CD226: variants seen among roughly 807,000 people sequenced by gnomAD.
CD226 encodes the protein CD226 antigen.
A neutral mutation model predicts 34.9 loss-of-function variants in CD226; 24 were observed. The observed-to-expected ratio is 0.69, with a 90% CI of 0.50 to 0.97. The LOEUF (loss-of-function observed/expected upper bound fraction) is 0.97. Among genes scored for constraint, CD226 ranks in the 50% least tolerant of loss-of-function variants. CD226 has a pLI of 0.00. For synonymous variants in CD226, 148 were observed against 147.4 expected (o/e 1.00, Z -0.03); for missense variants, 397 against 412.7 (o/e 0.96, Z 0.33).
chr18:69,891,930 A>G (rs974451993), intron 3 of CD226, among the ~76,000 whole-genome samples: 20 of 152,170 alleles, frequency 1.3e-4, no homozygotes, highest in African/African-American at 4.1e-4. Context: ...AATTTAACCT[A>G]CCTCGTCCCA....
chr18:69,892,716 T>G (rs979897759), intron 3 of CD226, among the ~76,000 whole-genome samples: 3 of 152,082 alleles, frequency 2.0e-5, no homozygotes, highest in Non-Finnish European at 4.4e-5. Context: ...TGAAGATGAA[T>G]GCAGGCAGGT....
chr18:69,948,516 T>C (rs564713631), upstream of CD226, among the ~76,000 whole-genome samples: 2 of 152,292 alleles, frequency 1.3e-5, no homozygotes, highest in South Asian at 4.1e-4. Flanking sequence ...TCAGCAAGTG[T>C]CGACTACTCA....
intron 2 of CD226, among the ~76,000 whole-genome samples, chr18:69,913,266 G>A (rs1245944375): frequency 1.3e-5 from 2 of 152,018 alleles, no homozygotes; most frequent in South Asian, 2.1e-4. Context: ...AAAAATGAAC[G>A]TGGAAACATT....
chr18:69,865,135 A>G (rs1983061254), intron 5 of CD226, among the ~76,000 whole-genome samples: 1 of 152,072 alleles, frequency 6.6e-6, no homozygotes, highest in African/African-American at 2.4e-5. Flanking sequence ...GATTACAGGC[A>G]AGCACCATCA....
upstream of CD226, chr18:69,961,612 G>A (rs911639146): frequency 2.0e-5 from 3 of 152,074 alleles, no homozygotes; most frequent in Admixed American, 2.0e-4. Flanking sequence ...CATTGCCAAG[G>A]GCCCAGCAAA....
intron 4 of CD226, among the ~76,000 whole-genome samples, chr18:69,868,803 G>GCGCA (rs113731126): frequency 6.1e-4 from 92 of 151,014 alleles, no homozygotes; most frequent in South Asian, 3.6e-3. Context: ...GCGCGTGCAC[G>GCGCA]CACACACACA....
At chr18:69,906,872 C>T (rs1175535849) in intron 2 of CD226, among the ~76,000 whole-genome samples, 3 of 152,170 alleles carry the variant, frequency 2.0e-5, no homozygotes, top group Admixed American at 2.0e-4. Flanking sequence ...TCAGGCTCTA[C>T]GGACACCTCC....
At chr18:69,939,009 C>G (rs1396958235) in intron 2 of CD226, among the ~76,000 whole-genome samples, 1 of 152,158 alleles carries the variant, frequency 6.6e-6, no homozygotes, top group African/African-American at 2.4e-5. Flanking sequence ...CCACTTGAAC[C>G]CAGGAGGCAG....
chr18:69,914,181 A>G (rs780343603), intron 2 of CD226, among the ~76,000 whole-genome samples: 1 of 152,156 alleles, frequency 6.6e-6, no homozygotes, highest in Non-Finnish European at 1.5e-5. Context: ...CTGAAATTCT[A>G]CCTTTCTATA....
At chr18:69,919,490 C>T (rs114857165) in intron 2 of CD226, among the ~76,000 whole-genome samples, 2 of 152,066 alleles carry the variant, frequency 1.3e-5, no homozygotes, top group African/African-American at 2.4e-5. Flanking sequence ...AGGAAGTAGA[C>T]AAAACTCTTC....
At chr18:69,939,635 A>G (rs2055698790) in intron 2 of CD226, among the ~76,000 whole-genome samples, 1 of 152,244 alleles carries the variant, frequency 6.6e-6, no homozygotes, top group South Asian at 2.1e-4. Flanking sequence ...ATTGGATCAT[A>G]GGATTTGGGG....
chr18:69,957,164 C>G (rs2055905076), upstream of CD226: 1 of 152,188 alleles, frequency 6.6e-6, no homozygotes, highest in Non-Finnish European at 1.5e-5. Flanking sequence ...GGACGCACTT[C>G]TCCTTTGTTC....
intron 3 of CD226, among the ~76,000 whole-genome samples, chr18:69,892,125 G>A (rs1984939427): frequency 6.6e-6 from 1 of 152,152 alleles, no homozygotes; most frequent in African/African-American, 2.4e-5. Flanking sequence ...TGGTCTCACT[G>A]GTGGAAGACG....
At chr18:69,943,707 G>A (rs2055754142) in intron 2 of CD226, among the ~76,000 whole-genome samples, 1 of 152,268 alleles carries the variant, frequency 6.6e-6, no homozygotes, top group South Asian at 2.1e-4. Flanking sequence ...GGACATACGT[G>A]AAACTTAGGG....
chr18:69,926,640 A>G (rs1046656832), intron 2 of CD226, among the ~76,000 whole-genome samples: 3 of 152,204 alleles, frequency 2.0e-5, no homozygotes, highest in Non-Finnish European at 2.9e-5. Flanking sequence ...AAGATATCTA[A>G]TTCTTCAGGG....
At chr18:69,922,019 A>C (rs2055457798) in intron 2 of CD226, among the ~76,000 whole-genome samples, 2 of 152,208 alleles carry the variant, frequency 1.3e-5, no homozygotes, top group Admixed American at 1.3e-4. Context: ...AGTCACATCA[A>C]GCATAAGAAA....
upstream of CD226, among the ~76,000 whole-genome samples, chr18:69,958,430 A>AT (rs2055913135): frequency 1.3e-5 from 2 of 151,826 alleles, no homozygotes; most frequent in Non-Finnish European, 2.9e-5. Context: ...TCAATTTTCG[A>AT]TTTTCTCAAG....
chr18:69,936,132 T>A (rs2055650111), intron 2 of CD226, among the ~76,000 whole-genome samples: 1 of 152,204 alleles, frequency 6.6e-6, no homozygotes, highest in African/African-American at 2.4e-5. Flanking sequence ...TACCCGTGCC[T>A]GTACGTGAAT....
At position 69,861,039 on chromosome 18, in the gene CD226, T is replaced by A. The variant is rs919747191; in HGVS notation, c.*3275A>T. ...CTGTTATACAGCTGTAATTTTTACT[T>A]AATGCCATTCTATACAAACCAATAT... On this transcript the variant is annotated 3_prime_UTR_variant, in exon 6 of 6. Transcript: ENST00000582621. 1.3e-5 allele frequency: 2 copies of A among 152,104 alleles called. No individual in the cohort carries two copies. Among genetic ancestry groups the A allele is most frequent in the South Asian group, 4.1e-4 (2 of 4,834 alleles). The allele number at this position is 152,104 out of a possible 1,614,324, so 9.4% of individuals were successfully genotyped here. A position where few individuals can be genotyped will look rare whatever the true frequency, so the allele number is the denominator to read the frequency against.
Sources: allele counts gnomAD v4.1 joint callset (sites outside exome capture counted in the v4.1 genomes callset), GRCh38; gene constraint gnomAD v4.1.1; transcripts MANE v1.5; gene names NCBI Gene and HGNC (gene_info 2026-07-23, HGNC 2026-07-21).